The following DLC1 variants were observed in gnomAD, a reference collection of about 807,000 sequenced individuals.
DLC1 encodes rho GTPase-activating protein 7.
DLC1 carries 54 observed loss-of-function variants against 140.3 expected under a neutral mutation model. The observed-to-expected ratio is 0.38, with a 90% CI of 0.31 to 0.48. DLC1 has a LOEUF of 0.48. Among genes scored for constraint, DLC1 ranks in the 20% least tolerant of loss-of-function variants. DLC1 has a pLI of 0.96. For missense variants in DLC1, 2,536 were observed against 1,907.0 expected, an observed-to-expected ratio of 1.33 and a Z score of -6.14; for synonymous variants, 986 against 728.1, an observed-to-expected ratio of 1.35 and a Z score of -5.70.
At chr8:13,349,826 A>G (rs991103517) in intron 4 of DLC1, among the ~76,000 whole-genome samples, 8 of 152,302 alleles carry the variant, frequency 5.3e-5, no homozygotes, top group Non-Finnish European at 1.0e-4. Flanking sequence ...TCTTGTGGGG[A>G]GACATGAGGA....
At chr8:13,181,762 G>C (rs1752820583) in intron 5 of DLC1, among the ~76,000 whole-genome samples, 2 of 152,090 alleles carry the variant, frequency 1.3e-5, no homozygotes, top group Admixed American at 1.3e-4. Flanking sequence ...TTGGTTCCAA[G>C]TCTTTGCTAT....
chr8:13,218,366 C>T (rs1828313070), intron 5 of DLC1, among the ~76,000 whole-genome samples: 1 of 152,040 alleles, frequency 6.6e-6, no homozygotes, highest in Admixed American at 6.6e-5. Flanking sequence ...AAAGCATGAA[C>T]AACAAAAGAA....
intron 6 of DLC1, among the ~76,000 whole-genome samples, chr8:13,114,844 A>C (rs935273484): frequency 6.6e-6 from 1 of 152,224 alleles, no homozygotes; most frequent in African/African-American, 2.4e-5. Context: ...AAAGTCTGAC[A>C]ATATCAAGCG....
chr8:13,413,060 C>T (rs1286967029), intron 2 of DLC1, among the ~76,000 whole-genome samples: 3 of 151,722 alleles, frequency 2.0e-5, no homozygotes, highest in Non-Finnish European at 2.9e-5. Flanking sequence ...TGTCCTTGTG[C>T]GGGGCATAAC....
chr8:13,147,624 T>C (rs1353354751), intron 5 of DLC1, among the ~76,000 whole-genome samples: 1 of 152,186 alleles, frequency 6.6e-6, no homozygotes. Flanking sequence ...CAGCATGCTC[T>C]GAGCTTGAGA....
intron 5 of DLC1, among the ~76,000 whole-genome samples, chr8:13,167,581 C>G (rs1245484146): frequency 2.6e-5 from 4 of 152,122 alleles, no homozygotes; most frequent in African/African-American, 7.2e-5. Flanking sequence ...AATCAGAGTA[C>G]AGATCCCGGA....
intron 4 of DLC1, among the ~76,000 whole-genome samples, chr8:13,357,991 T>G (rs1299435591): frequency 1.3e-5 from 2 of 152,200 alleles, no homozygotes; most frequent in African/African-American, 2.4e-5. Flanking sequence ...TTTATTCACT[T>G]AATTTAAATT....
chr8:13,107,029 G>A (rs962009918), intron 7 of DLC1, among the ~76,000 whole-genome samples: 1 of 152,124 alleles, frequency 6.6e-6, no homozygotes, highest in Non-Finnish European at 1.5e-5. Flanking sequence ...CATAATATTG[G>A]CCTTATCATT....
At chr8:13,123,583 A>G (rs1023419693) in intron 5 of DLC1, among the ~76,000 whole-genome samples, 2 of 151,482 alleles carry the variant, frequency 1.3e-5, no homozygotes, top group African/African-American at 2.4e-5. Flanking sequence ...CCTGACCTCA[A>G]GTGATCTGCC....
intron 2 of DLC1, among the ~76,000 whole-genome samples, chr8:13,440,990 T>C (rs1006741205): frequency 2.6e-5 from 4 of 152,190 alleles, no homozygotes; most frequent in African/African-American, 7.2e-5. Flanking sequence ...TCACACTTTC[T>C]TGGATAGCAA....
At chr8:13,335,548 C>G (rs560500089) in intron 4 of DLC1, among the ~76,000 whole-genome samples, 120 of 152,190 alleles carry the variant, frequency 7.9e-4, no homozygotes, top group African/African-American at 2.9e-3. Context: ...CTCTAAACCT[C>G]GATTGAAGTT....
chr8:13,311,037 G>T (rs1233352153), intron 4 of DLC1, among the ~76,000 whole-genome samples: 1 of 152,058 alleles, frequency 6.6e-6, no homozygotes, highest in African/African-American at 2.4e-5. Context: ...TTATGGGTTT[G>T]ATTTGTGGGT....
intron 1 of DLC1, chr8:13,583,802 A>G (rs59201641): frequency 0.2 from 31,208 of 152,296 alleles, 3,725 homozygotes; most frequent in Non-Finnish European, 0.25. Context: ...CTGAGGCTGC[A>G]TGGTGAAAAT....
intron 17 of DLC1, 126 bp from the exon 18 acceptor site, chr8:13,086,057 T>C (rs1203364028): frequency 2.8e-6 from 4 of 1,436,196 alleles, no homozygotes; most frequent in African/African-American, 1.4e-5. Flanking sequence ...TTTGAATTCA[T>C]GGCCGAGCTA....
At chr8:13,204,145 G>A (rs1827541052) in intron 5 of DLC1, among the ~76,000 whole-genome samples, 1 of 152,114 alleles carries the variant, frequency 6.6e-6, no homozygotes, top group Non-Finnish European at 1.5e-5. Context: ...AAATATTACT[G>A]TCAAGCCAGA....
At chr8:13,534,255 T>C (rs1388021115) in intron 1 of DLC1, among the ~76,000 whole-genome samples, 1 of 152,198 alleles carries the variant, frequency 6.6e-6, no homozygotes, top group Non-Finnish European at 1.5e-5. Context: ...CCATTTTTGA[T>C]ACCCATGCAG....
chr8:13,528,497 C>A (rs1802991032), intron 1 of DLC1, among the ~76,000 whole-genome samples: 1 of 152,052 alleles, frequency 6.6e-6, no homozygotes, highest in African/African-American at 2.4e-5. Flanking sequence ...TAAAAGATTT[C>A]TTTTATCCTT....
At chr8:13,326,848 G>A (rs976702251) in intron 4 of DLC1, among the ~76,000 whole-genome samples, 1 of 152,202 alleles carries the variant, frequency 6.6e-6, no homozygotes, top group Admixed American at 6.5e-5. Context: ...ACCGAGCTAG[G>A]AGAACATGCT....
chr8:13,123,983 C>T (rs2128957584), intron 5 of DLC1, among the ~76,000 whole-genome samples: 1 of 152,230 alleles, frequency 6.6e-6, no homozygotes, highest in East Asian at 1.9e-4. Context: ...AGTACACATT[C>T]ATGCATATAA....
Sources: allele counts gnomAD v4.1 joint callset (sites outside exome capture counted in the v4.1 genomes callset), GRCh38; gene constraint gnomAD v4.1.1; transcripts MANE v1.5; gene names NCBI Gene and HGNC (gene_info 2026-07-23, HGNC 2026-07-21).